Variants in CPNE8 observed in about 807,000 individuals in gnomAD.
The protein encoded by CPNE8 is copine-8.
Under a neutral mutation model 81.5 loss-of-function variants are expected in CPNE8, and 45 were observed. That is an observed-to-expected ratio of 0.55 (90% CI 0.44 to 0.71). The LOEUF (loss-of-function observed/expected upper bound fraction) is 0.71. CPNE8 is among the 30% of genes least tolerant of loss of function. CPNE8 has a pLI of 0.00. For synonymous variants in CPNE8, 252 were observed against 226.3 expected, an observed-to-expected ratio of 1.11 and a Z score of -1.02; for missense variants, 594 against 672.1, an observed-to-expected ratio of 0.88 and a Z score of 1.28.
intron 13 of CPNE8, among the ~76,000 whole-genome samples, chr12:38,711,915 C>T (rs1353769106): frequency 6.6e-6 from 1 of 151,954 alleles, no homozygotes; most frequent in African/African-American, 2.4e-5. Context: ...AAAATGAGTT[C>T]AGTTTTGATA....
intron 6 of CPNE8, among the ~76,000 whole-genome samples, chr12:38,799,026 C>G (rs1418410293): frequency 3.3e-5 from 5 of 152,170 alleles, no homozygotes; most frequent in Non-Finnish European, 4.4e-5. Flanking sequence ...TCACCCAATA[C>G]AGGAGCACCC....
At chr12:38,835,779 A>AT (rs1448705571) in intron 5 of CPNE8, among the ~76,000 whole-genome samples, 1 of 152,188 alleles carries the variant, frequency 6.6e-6, no homozygotes, top group East Asian at 1.9e-4. Flanking sequence ...GCTTATATTT[A>AT]TAATATTTAG....
chr12:38,881,168 C>G (rs1272791103), intron 1 of CPNE8, among the ~76,000 whole-genome samples: 1 of 150,244 alleles, frequency 6.7e-6, no homozygotes, highest in Non-Finnish European at 1.5e-5. Flanking sequence ...CGAGATCGCA[C>G]CACTGCACTC....
chr12:38,738,884 G>A (rs1941018388), intron 10 of CPNE8, among the ~76,000 whole-genome samples: 1 of 148,798 alleles, frequency 6.7e-6, no homozygotes, highest in Non-Finnish European at 1.5e-5. Flanking sequence ...CATGATCTTG[G>A]TTCACTGCAG....
At chr12:38,788,442 T>C (rs1942248309) in intron 6 of CPNE8, among the ~76,000 whole-genome samples, 1 of 151,794 alleles carries the variant, frequency 6.6e-6, no homozygotes, top group Non-Finnish European at 1.5e-5. Flanking sequence ...AAAGTGGGTA[T>C]AAAAGAAACA....
At chr12:38,884,741 A>T (rs962629300) in intron 1 of CPNE8, among the ~76,000 whole-genome samples, 2 of 152,176 alleles carry the variant, frequency 1.3e-5, no homozygotes, top group African/African-American at 2.4e-5. Context: ...GAAGTAGTCA[A>T]TCCACATACC....
intron 6 of CPNE8, 105 bp from the exon 7 acceptor site, chr12:38,776,406 T>C (rs1941937408): frequency 6.5e-6 from 2 of 307,078 alleles, no homozygotes; most frequent in East Asian, 7.2e-5. Flanking sequence ...ATAAAGAGCA[T>C]ATAATAATAA....
chr12:38,697,092 T>C (rs576692273), intron 14 of CPNE8, among the ~76,000 whole-genome samples: 2 of 152,316 alleles, frequency 1.3e-5, no homozygotes, highest in South Asian at 4.1e-4. Context: ...CAATGATTGT[T>C]ACTATATTCA....
chr12:38,778,290 G>T (rs751639393), intron 6 of CPNE8, among the ~76,000 whole-genome samples: 2 of 152,082 alleles, frequency 1.3e-5, no homozygotes, highest in Non-Finnish European at 2.9e-5. Context: ...ACAGCCTATG[G>T]TGGTTTCACA....
At chr12:38,843,980 A>C (rs1208415714) in intron 4 of CPNE8, among the ~76,000 whole-genome samples, 4 of 152,316 alleles carry the variant, frequency 2.6e-5, no homozygotes, top group African/African-American at 7.2e-5. Flanking sequence ...AAGTGACTGG[A>C]AAGGCATGAA....
chr12:38,870,670 A>G (rs1361590652), intron 3 of CPNE8, among the ~76,000 whole-genome samples: 1 of 152,162 alleles, frequency 6.6e-6, no homozygotes, highest in African/African-American at 2.4e-5. Context: ...GAGAAATAGC[A>G]TTAGGAGAAA....
intron 1 of CPNE8, among the ~76,000 whole-genome samples, chr12:38,901,510 C>A (rs149950246): frequency 1.1e-3 from 172 of 152,266 alleles, no homozygotes; most frequent in African/African-American, 3.8e-3. Context: ...CTTAGTTTAT[C>A]TCTCAAGGTT....
intron 5 of CPNE8, among the ~76,000 whole-genome samples, chr12:38,836,421 A>G (rs1263142041): frequency 6.6e-6 from 1 of 152,154 alleles, no homozygotes; most frequent in Non-Finnish European, 1.5e-5. Context: ...TCTATATTCT[A>G]TCTCCATTTT....
intron 6 of CPNE8, among the ~76,000 whole-genome samples, chr12:38,824,992 C>T (rs112911519): frequency 0.016 from 2,481 of 152,106 alleles, 32 homozygotes; most frequent in Middle Eastern, 0.068. Context: ...TTTAACCAGA[C>T]GGTTAAAGAT....
intron 12 of CPNE8, 126 bp downstream of exon 12, chr12:38,724,720 A>T (rs527847601): frequency 3.5e-4 from 221 of 625,724 alleles, no homozygotes; most frequent in South Asian, 5.8e-4. Flanking sequence ...GTTCCTTCAT[A>T]TTAAAACCCT....
chr12:38,805,836 A>G (rs1942787322), intron 6 of CPNE8, among the ~76,000 whole-genome samples: 1 of 149,772 alleles, frequency 6.7e-6, no homozygotes, highest in South Asian at 2.2e-4. Context: ...TGAAAGGATC[A>G]ACAAAATTGA....
chr12:38,830,289 A>AT (rs1943264061), intron 5 of CPNE8, among the ~76,000 whole-genome samples: 1 of 152,170 alleles, frequency 6.6e-6, no homozygotes, highest in Non-Finnish European at 1.5e-5. Flanking sequence ...ACTCACAAAA[A>AT]TTTTTAATTT....
At position 38,652,433 on chromosome 12, in the gene CPNE8, A is replaced by T. The variant is rs537818947; in HGVS notation, c.*1449T>A. Reference sequence around the variant, plus strand: ...AGTTATATAACATTGATACTGTTAGATATGTGGATGTATATATTTTTCTTT... The same window carrying T: ...AGTTATATAACATTGATACTGTTAGTTATGTGGATGTATATATTTTTCTTT... On this transcript the variant is annotated 3_prime_UTR_variant, in exon 20 of 20. Transcript: ENST00000331366. 1 of 152,628 alleles carries T rather than the reference A, an allele frequency of 6.6e-6. No individual in the cohort carries two copies. Among genetic ancestry groups the T allele is most frequent in the Non-Finnish European group, 1.5e-5 (1 of 68,018 alleles). 9.5% of individuals were successfully genotyped at this position (152,628 alleles called of 1,614,324 possible). A position where few individuals can be genotyped will look rare whatever the true frequency, so the allele number is the denominator to read the frequency against.
chr12:38,790,834 T>C (rs760209756), intron 6 of CPNE8, among the ~76,000 whole-genome samples: 2 of 151,702 alleles, frequency 1.3e-5, no homozygotes, highest in Non-Finnish European at 3.0e-5. Flanking sequence ...GGATAATTTG[T>C]TTTTTGTGTG....
Sources: allele counts gnomAD v4.1 joint callset (sites outside exome capture counted in the v4.1 genomes callset), GRCh38; gene constraint gnomAD v4.1.1; transcripts MANE v1.5; gene names NCBI Gene and HGNC (gene_info 2026-07-23, HGNC 2026-07-21).